The following ARFGEF3 variants were observed in gnomAD, a reference collection of about 807,000 sequenced individuals.
ARFGEF3 encodes the protein brefeldin A-inhibited guanine nucleotide-exchange protein 3.
Under a neutral mutation model 221.7 loss-of-function variants are expected in ARFGEF3, and 96 were observed. The ratio of observed to expected loss-of-function variants is 0.43; its 90% CI spans 0.37 to 0.51. The LOEUF is 0.51. ARFGEF3 is among the 20% of genes least tolerant of loss of function. The pLI, the probability that ARFGEF3 is intolerant of heterozygous loss-of-function variation, is 0.00. For missense variants in ARFGEF3, 2,410 were observed against 2,789.9 expected (o/e 0.86, Z 3.07); for synonymous variants, 1,145 against 1,126.8 (o/e 1.02, Z -0.32).
Position 138,291,141 on chromosome 6 carries a change from C to CTTCTCT in ARFGEF3, c.3048-592_3048-591insTTCTCT, listed in dbSNP as rs1779396546. 2.0e-5 allele frequency among the ~76,000 whole-genome samples: 3 copies of CTTCTCT among 152,130 alleles called. No individual in the cohort carries two copies. In the South Asian group the frequency reaches 6.2e-4, roughly 32 times the overall value. On this transcript the variant is annotated intron_variant, in intron 18 of 33. Coordinates refer to ENST00000251691, the MANE Select transcript of ARFGEF3 (RefSeq NM_020340.5). This position sits in a 1 kb window ranked among gnomAD's most constrained non-coding sequence, Gnocchi z 4.5. ...CATTTAGGAGTTGGCAGTTGTAGCA[C>CTTCTCT]ATGTGGTGACCCTTCTCTGTGTCTG... is the stretch of plus-strand genomic sequence containing the variant.
intron 2 of ARFGEF3, among the ~76,000 whole-genome samples, chr6:138,189,826 T>C (rs946763457): frequency 1.3e-5 from 2 of 152,174 alleles, no homozygotes; most frequent in African/African-American, 4.8e-5. Flanking sequence ...ATGCCTGTAA[T>C]CTCAGCACTT....
At chr6:138,234,419 G>T (rs1322160961) in intron 5 of ARFGEF3, among the ~76,000 whole-genome samples, 1 of 152,092 alleles carries the variant, frequency 6.6e-6, no homozygotes, top group African/African-American at 2.4e-5. Flanking sequence ...ACCTAACGTG[G>T]TGATCAGACT....
intron 2 of ARFGEF3, among the ~76,000 whole-genome samples, chr6:138,178,017 G>A (rs1776990122): frequency 6.6e-6 from 1 of 152,136 alleles, no homozygotes; most frequent in Admixed American, 6.6e-5. Context: ...TTTTGAGGGT[G>A]TCACATTACC....
chr6:138,210,770 CAT>C (rs1777711276), intron 4 of ARFGEF3, among the ~76,000 whole-genome samples: 3 of 152,278 alleles, frequency 2.0e-5, no homozygotes, highest in African/African-American at 7.2e-5. Flanking sequence ...TCTCGGGGAA[CAT>C]ATGTTGAGAA....
intron 4 of ARFGEF3, among the ~76,000 whole-genome samples, chr6:138,213,064 G>A (rs949305765): frequency 6.6e-5 from 10 of 152,014 alleles, no homozygotes; most frequent in African/African-American, 2.4e-4. Flanking sequence ...CGAGGTGGGG[G>A]GCTCACGAGG....
Position 138,255,710 on chromosome 6 carries a change from C to G in ARFGEF3, c.1045C>G (p.Arg349Gly), listed in dbSNP as rs1329676129. ...GCCCGTGCTCCAGTCCCTCTACCAC[C>G]GAGTGCTGCTCTACCCCCCACCCCA... ...MKPVLQSLYH[R>G]VLLYPPPQHR... The change falls in exon 10 of 34, where the codon CGA (arginine) becomes GGA (glycine). Residue 349 changes from arginine to glycine, a missense_variant. This residue lies in a region of ARFGEF3 where 570 missense variants were observed against 586.9 expected (regional missense o/e 0.97). Transcript: ENST00000251691. 6.2e-7 allele frequency: 1 copy of G among 1,610,722 alleles called. No homozygotes were observed. The highest frequency in any genetic ancestry group is 1.7e-5 in the Admixed American group (1 of 59,816).
chr6:138,189,233 A>G (rs1039961790), intron 2 of ARFGEF3, among the ~76,000 whole-genome samples: 17 of 152,344 alleles, frequency 1.1e-4, no homozygotes, highest in African/African-American at 3.8e-4. Context: ...CAACTGACAC[A>G]CTTGTGAAAA....
chr6:138,226,909 A>G (rs1235117899), intron 4 of ARFGEF3, among the ~76,000 whole-genome samples: 2 of 152,184 alleles, frequency 1.3e-5, no homozygotes, highest in Non-Finnish European at 2.9e-5. Flanking sequence ...CCAGGAGGGC[A>G]TGGACACCAT....
chr6:138,253,785 A>G, intron 8 of ARFGEF3, 95 bp from the exon 9 acceptor site: 3 of 946,418 alleles, frequency 3.2e-6, no homozygotes, highest in Non-Finnish European at 4.9e-6. Flanking sequence ...CACTTTAGTA[A>G]CGCCTACCAT....
intron 4 of ARFGEF3, among the ~76,000 whole-genome samples, chr6:138,212,183 G>C (rs1164657505): frequency 6.6e-6 from 1 of 152,152 alleles, no homozygotes; most frequent in East Asian, 1.9e-4. Flanking sequence ...ATGTCACATA[G>C]TTATCACTTT....
chr6:138,270,128 AACCTCAAGTTCACTG>A lies in ARFGEF3; in HGVS notation c.2128+6521_2128+6535del, dbSNP rs1321282869. Among the ~76,000 whole-genome samples, 5 of 152,228 alleles carry A rather than the reference AACCTCAAGTTCACTG, an allele frequency of 3.3e-5. No homozygotes were observed. In the East Asian group the frequency reaches 7.7e-4, roughly 24 times the overall value. The stretch of plus-strand genomic sequence containing the variant: ...GAGCTCTCTGGAAGCGCCACACAAC[AACCTCAAGTTCACTG>A]ACCCCTCCTAGGAGACAGGGCACAT... On this transcript the variant is annotated intron_variant, in intron 12 of 33. Coordinates refer to ENST00000251691, the MANE Select transcript of ARFGEF3 (RefSeq NM_020340.5).
chr6:138,167,376 A>T (rs1347050313), intron 1 of ARFGEF3, among the ~76,000 whole-genome samples: 1 of 152,144 alleles, frequency 6.6e-6, no homozygotes. Context: ...TCTGAAACGC[A>T]CACCCCGCAA....
rs1017096163 is a variant in ARFGEF3, at chr6:138,298,728, C to T, written c.3771C>T (p.Phe1257=). The part of the protein sequence containing the change: ...PPHFHFNEAL[F]RPFERIMQLE... ...ATTTTCACTTCAATGAAGCACTCTTCCGACCTTTCGAGCGCATTATGCAGC... is the reference window on the plus strand; with the variant it reads ...ATTTTCACTTCAATGAAGCACTCTTTCGACCTTTCGAGCGCATTATGCAGC... The change falls in exon 22 of 34, where the codon TTC becomes TTT. Residue 1257 remains phenylalanine, a synonymous_variant. Transcript: ENST00000251691. The T allele has an allele frequency of 1.2e-6, 2 of 1,613,560 alleles. No homozygotes were observed. The highest frequency in any genetic ancestry group is 1.7e-6 in the Non-Finnish European group (2 of 1,179,736).
intron 17 of ARFGEF3, among the ~76,000 whole-genome samples, chr6:138,288,684 CAAAT>C (rs974919957): frequency 2.0e-5 from 3 of 152,084 alleles, no homozygotes; most frequent in African/African-American, 7.2e-5. Flanking sequence ...GACACCATCT[CAAAT>C]AAATAAATAA....
chr6:138,243,750 A>G (rs1562365570), intron 7 of ARFGEF3, among the ~76,000 whole-genome samples: 1 of 152,118 alleles, frequency 6.6e-6, no homozygotes. Context: ...AAAAGGAGAG[A>G]AACAGCTTAA....
At chr6:138,194,989 A>ATTTTTTTTTTT (rs747099029) in intron 2 of ARFGEF3, among the ~76,000 whole-genome samples, 11 of 84,116 alleles carry the variant, frequency 1.3e-4, no homozygotes, top group East Asian at 3.8e-4. Context: ...CTTTTCCCTA[A>ATTTTTTTTTTT]TTTTTTTTTT....
intron 2 of ARFGEF3, among the ~76,000 whole-genome samples, chr6:138,201,516 G>A (rs370535646): frequency 6.6e-6 from 1 of 152,216 alleles, no homozygotes; most frequent in South Asian, 2.1e-4. Context: ...AACAGCATTT[G>A]CAATGACCTG....
At chr6:138,188,277 G>T (rs61392925) in intron 2 of ARFGEF3, among the ~76,000 whole-genome samples, 1 of 152,142 alleles carries the variant, frequency 6.6e-6, no homozygotes, top group East Asian at 1.9e-4. Context: ...TATGAATGGC[G>T]AGAATAATCA....
chr6:138,318,367 C>A (rs796978132), intron 27 of ARFGEF3, among the ~76,000 whole-genome samples: 3 of 152,106 alleles, frequency 2.0e-5, no homozygotes, highest in African/African-American at 7.2e-5. Flanking sequence ...AGGAAATTAT[C>A]AATAATAAAG....
Sources: gnomAD v4.1 joint callset for allele counts (sites outside exome capture counted in the v4.1 genomes callset) on GRCh38, gnomAD v4.1.1 for gene constraint, gnomAD v4.1.1 regional missense constraint, Gnocchi (gnomAD v3.1) non-coding constraint, MANE v1.5 for transcripts, NCBI Gene and HGNC (gene_info 2026-07-23, HGNC 2026-07-21) for gene names.